KCNMA1: variants seen among roughly 807,000 people sequenced by gnomAD.
KCNMA1 encodes the protein potassium calcium-activated channel subfamily M alpha 1.
A neutral mutation model predicts 140.0 loss-of-function variants in KCNMA1; 29 were observed. The observed-to-expected ratio is 0.21, with a 90% CI of 0.15 to 0.28. The LOEUF (loss-of-function observed/expected upper bound fraction) is 0.28, where lower values mean the gene tolerates loss of function less well. Among genes scored for constraint, KCNMA1 ranks in the 10% least tolerant of loss-of-function variants. The pLI is 1.00. For synonymous variants in KCNMA1, 612 were observed against 611.9 expected (o/e 1.00, Z 0.00); for missense variants, 880 against 1,602.2 (o/e 0.55, Z 7.70).
chr10:77,494,201 T>C (rs559148642), intron 1 of KCNMA1, among the ~76,000 whole-genome samples: 1 of 152,334 alleles, frequency 6.6e-6, no homozygotes, highest in African/African-American at 2.4e-5. Flanking sequence ...CACGTTGCCT[T>C]TGACTTTGAA....
In KCNMA1 at chr10:77,123,112, G is replaced by A. The variant is rs1329800076; in HGVS notation, c.809-2064C>T. 4.8e-5 allele frequency among the ~76,000 whole-genome samples: 7 copies of A among 146,584 alleles called. No individual in the cohort carries two copies. The East Asian group carries it at 9.9e-4, about 21-fold the overall frequency. ...GGAGAATGGCGTGTACCCGGGAGGC[G>A]GAGCTTGCAGTAAGCCGAGATCGCG... is the stretch of plus-strand genomic sequence containing the variant. On this transcript the variant is annotated intron_variant, in intron 5 of 27. Coordinates refer to ENST00000286628, the MANE Select transcript of KCNMA1 (RefSeq NM_001161352.2).
At chr10:77,603,245 A>G (rs529654519) in intron 1 of KCNMA1, among the ~76,000 whole-genome samples, 1 of 152,134 alleles carries the variant, frequency 6.6e-6, no homozygotes, top group South Asian at 2.1e-4. Flanking sequence ...TTTTAATGCC[A>G]GCGTTCGCAG....
In KCNMA1 at chr10:77,070,152, C is replaced by T. The variant is rs764675311; in HGVS notation, c.1749+2945G>A. 7.2e-5 allele frequency among the ~76,000 whole-genome samples: 11 copies of T among 152,166 alleles called. No individual in the cohort carries two copies. The South Asian group carries it at 1.5e-3, about 20-fold the overall frequency. ...TTTCTTTTATTAAACATATCACCCC[C>T]ACTTTCAGTCTTGGCATTTTGGTCT... On this transcript the variant is annotated intron_variant, in intron 14 of 27. Transcript: ENST00000286628.
chr10:77,535,482 T>G (rs1251463785), intron 1 of KCNMA1, among the ~76,000 whole-genome samples: 3 of 152,192 alleles, frequency 2.0e-5, no homozygotes, highest in Admixed American at 1.3e-4. Context: ...GAAAACAGTA[T>G]GAAGGTTCCT....
chr10:77,180,657 AG>A (rs2098795910), intron 5 of KCNMA1, among the ~76,000 whole-genome samples: 1 of 152,132 alleles, frequency 6.6e-6, no homozygotes, highest in South Asian at 2.1e-4. Context: ...ATAGGAGGGT[AG>A]GGGGATAGGA....
chr10:76,912,288 C>T (rs1564859533), intron 24 of KCNMA1: 1 of 152,132 alleles, frequency 6.6e-6, no homozygotes, highest in Non-Finnish European at 1.5e-5. Flanking sequence ...CTCTGAGGAG[C>T]CTTTGCCATG....
At chr10:77,195,764 C>A (rs988999928) in intron 3 of KCNMA1, among the ~76,000 whole-genome samples, 1 of 151,982 alleles carries the variant, frequency 6.6e-6, no homozygotes. Flanking sequence ...GCCTGGCCAA[C>A]ATGGTGAAAC....
chr10:77,252,546 T>TGTGTGTGC (rs1309168118), intron 2 of KCNMA1, among the ~76,000 whole-genome samples: 3 of 151,820 alleles, frequency 2.0e-5, no homozygotes, highest in African/African-American at 7.3e-5. Flanking sequence ...TGTGTGTGTG[T>TGTGTGTGC]GTGTGTGTGT....
In KCNMA1 at chr10:77,469,535, C is replaced by T. The variant is rs988120362; in HGVS notation, c.379-65512G>A. Among the ~76,000 whole-genome samples the T allele has an allele frequency of 2.0e-5, 3 of 152,258 alleles. No homozygotes were observed. In the East Asian group the frequency reaches 5.8e-4, roughly 29 times the overall value. ...TTACTGGGGGTCCTGGAAGAGTTCT[C>T]AGAGGTGTGTGAACTCACTGGCAGC... On this transcript the variant is annotated intron_variant, in intron 1 of 27. Coordinates refer to ENST00000286628, the MANE Select transcript of KCNMA1 (RefSeq NM_001161352.2).
intron 2 of KCNMA1, among the ~76,000 whole-genome samples, chr10:77,401,501 A>G (rs1427515970): frequency 1.3e-5 from 2 of 152,142 alleles, no homozygotes; most frequent in Admixed American, 6.5e-5. Context: ...GGCTGTCTCC[A>G]GGACACTTCC....
chr10:77,423,585 G>T (rs1463087420), intron 1 of KCNMA1, among the ~76,000 whole-genome samples: 1 of 152,176 alleles, frequency 6.6e-6, no homozygotes, highest in Non-Finnish European at 1.5e-5. Flanking sequence ...GACACCAGGG[G>T]TAGGGACTCT....
chr10:77,242,939 C>G (rs536226011), intron 3 of KCNMA1, among the ~76,000 whole-genome samples: 14 of 148,634 alleles, frequency 9.4e-5, no homozygotes, highest in East Asian at 2.0e-4. Flanking sequence ...CACACACACA[C>G]AGAGTCTTTC....
intron 3 of KCNMA1, among the ~76,000 whole-genome samples, chr10:77,243,087 C>T (rs2057706420): frequency 6.6e-6 from 1 of 152,140 alleles, no homozygotes; most frequent in African/African-American, 2.4e-5. Flanking sequence ...CCCAAAGCTA[C>T]ATGTGTCAGG....
intron 5 of KCNMA1, among the ~76,000 whole-genome samples, chr10:77,131,639 T>C (rs1344577071): frequency 6.6e-6 from 1 of 151,596 alleles, no homozygotes; most frequent in Non-Finnish European, 1.5e-5. Flanking sequence ...AGCTGAGCGT[T>C]GGCTTCTCAA....
At chr10:76,969,825 T>G in intron 20 of KCNMA1, 149 bp downstream of exon 20, 1 of 675,960 alleles carries the variant, frequency 1.5e-6, no homozygotes, top group Non-Finnish European at 2.7e-6. Context: ...ACTCCAGCCT[T>G]TAAGAAGCCA....
chr10:77,126,837 A>G (rs2153972951), intron 5 of KCNMA1, among the ~76,000 whole-genome samples: 1 of 151,832 alleles, frequency 6.6e-6, no homozygotes, highest in Non-Finnish European at 1.5e-5. Flanking sequence ...CTTCCCAGGC[A>G]GCTGCAGCCA....
At chr10:77,611,108 AG>A (rs1198566146) in intron 1 of KCNMA1, among the ~76,000 whole-genome samples, 1 of 152,210 alleles carries the variant, frequency 6.6e-6, no homozygotes, top group Non-Finnish European at 1.5e-5. Flanking sequence ...ACCCATGTGT[AG>A]GGGACTTTGG....
chr10:77,448,106 C>G (rs948953278), intron 1 of KCNMA1, among the ~76,000 whole-genome samples: 5 of 152,074 alleles, frequency 3.3e-5, no homozygotes, highest in Non-Finnish European at 5.9e-5. Context: ...AAATAGATAT[C>G]CAGAGTGTGC....
At chr10:76,888,842 A>G (rs2038578434) in intron 27 of KCNMA1, among the ~76,000 whole-genome samples, 1 of 152,152 alleles carries the variant, frequency 6.6e-6, no homozygotes, top group African/African-American at 2.4e-5. Flanking sequence ...AGGTGGGTGG[A>G]TCACTTGAGG....
Sources: allele counts gnomAD v4.1 joint callset (sites outside exome capture counted in the v4.1 genomes callset), GRCh38; gene constraint gnomAD v4.1.1; transcripts MANE v1.5; gene names NCBI Gene and HGNC (gene_info 2026-07-23, HGNC 2026-07-21).